Variants in PNLIPRP1 observed in about 807,000 individuals in gnomAD.
PNLIPRP1 encodes inactive pancreatic lipase-related protein 1.
In PNLIPRP1, 57 loss-of-function variants were observed where a neutral mutation model predicts 54.6. The ratio of observed to expected loss-of-function variants is 1.04; its 90% confidence interval spans 0.84 to 1.30. PNLIPRP1 has a LOEUF of 1.30. PNLIPRP1 is among the 50% of genes most tolerant of loss of function. The pLI, the probability that PNLIPRP1 is intolerant of heterozygous loss-of-function variation, is 0.00. For synonymous variants in PNLIPRP1, 232 were observed against 208.8 expected (o/e 1.11, Z -0.96); for missense variants, 567 against 568.5 (o/e 1.00, Z 0.03).
chr10:116,591,688 GA>G, intron 2 of PNLIPRP1, 82 bp from the exon 3 acceptor site: 3 of 1,397,728 alleles, frequency 2.1e-6, no homozygotes, highest in Non-Finnish European at 3.0e-6. Flanking sequence ...CTGAATAGAA[GA>G]GTGACCAGGC....
chr10:116,598,257 A>G, intron 8 of PNLIPRP1, 91 bp downstream of exon 8: 1 of 1,205,930 alleles, frequency 8.3e-7, no homozygotes, highest in East Asian at 2.6e-5. Context: ...ATAAAAATGA[A>G]ACTGTCTTTA....
At chr10:116,603,516 G>A (rs963966513) in intron 10 of PNLIPRP1, among the ~76,000 whole-genome samples, 2 of 152,122 alleles carry the variant, frequency 1.3e-5, no homozygotes, top group Admixed American at 6.5e-5. Flanking sequence ...TCCTCCCTGG[G>A]CAATGCAGTT....
chr10:116,606,069 G>A (rs2915752), intron 12 of PNLIPRP1, among the ~76,000 whole-genome samples: 135,611 of 152,198 alleles, frequency 0.89, 60,747 homozygotes, highest in East Asian at 1. Context: ...AAAAAGGGAC[G>A]GCTGGAGGAA....
intron 6 of PNLIPRP1, among the ~76,000 whole-genome samples, chr10:116,597,124 T>A (rs782188973): frequency 1.1e-4 from 16 of 152,170 alleles, no homozygotes; most frequent in Admixed American, 3.3e-4. Context: ...GGCAACTACA[T>A]TCACGTTCCT....
chr10:116,605,126 TC>T (rs1368289276), intron 11 of PNLIPRP1, among the ~76,000 whole-genome samples: 14 of 152,212 alleles, frequency 9.2e-5, no homozygotes, highest in Non-Finnish European at 2.1e-4. Flanking sequence ...AAATAATTCT[TC>T]CAAAACATAT....
chr10:116,597,901 T>C lies in PNLIPRP1; in HGVS notation c.648T>C (p.Phe216=), dbSNP rs62641721. Residue 216 remains phenylalanine, a synonymous_variant, in exon 7 of 13, where the codon TTT becomes TTC. Transcript: ENST00000358834. ...GACTTGATCCCTCTGATGCTGACTT[T>C]GTTGATGTGATTCACACGGATGCAG... ...EVRLDPSDAD[F]VDVIHTDAAP... 4,848 of 1,614,232 alleles carry C rather than the reference T, an allele frequency of 3.0e-3. 126 individuals are homozygous for C. The African/African-American group carries it at 0.055, about 18-fold the overall frequency.
Position 116,604,127 on chromosome 10 carries a change from C to T in PNLIPRP1, c.1161C>T (p.Tyr387=), listed in dbSNP as rs373599224. ...LFGNKGNTHQ[Y]SIFRGILKPG... ...GAAATAAGGGAAACACTCACCAGTA[C>T]AGTATCTTCAGGTAATTTCCTATTT... The change falls in exon 11 of 13, where the codon TAC becomes TAT. Residue 387 remains tyrosine, a synonymous_variant. Transcript: ENST00000358834. The T allele has an allele frequency of 2.9e-5, 46 of 1,576,730 alleles. No homozygotes were observed. The East Asian group carries it at 8.5e-4, about 29-fold the overall frequency.
Position 116,609,140 on chromosome 10 carries a change from G to T in PNLIPRP1, c.*24G>T. ...AAGCTCCCGGGGCGACGAGGCTGCT[G>T]CGTTCACACTAATAAAATCCACTGG... On this transcript the variant is annotated 3_prime_UTR_variant, in exon 13 of 13. Coordinates refer to ENST00000358834, the MANE Select transcript of PNLIPRP1 (RefSeq NM_006229.4). 1.3e-6 allele frequency: 2 copies of T among 1,569,562 alleles called. No individual in the cohort carries two copies. Among genetic ancestry groups the T allele is most frequent in the Non-Finnish European group, 1.7e-6 (2 of 1,149,912 alleles).
chr10:116,605,514 C>A lies in PNLIPRP1; in HGVS notation c.1301C>A (p.Ala434Asp), dbSNP rs139527549. The A allele has an allele frequency of 1.9e-6, 3 of 1,608,758 alleles. No individual in the cohort carries two copies. The East Asian group carries it at 6.7e-5, about 36-fold the overall frequency. The change falls in exon 12 of 13, where the codon GCC (alanine) becomes GAC (aspartate). Residue 434 changes from alanine (A) to aspartate (D), a missense_variant. Physicochemically the swap from Ala to Asp is moderately radical, Grantham distance 126. Transcript: ENST00000358834. Reference protein sequence around the residue: ...VINPTLPKVGATKITVQKGEE... With the variant: ...VINPTLPKVGDTKITVQKGEE... The stretch of plus-strand genomic sequence containing the variant: ...AATCCAACCCTCCCCAAAGTGGGTG[C>A]CACCAAGATCACTGTGCAAAAGGGA...
intron 2 of PNLIPRP1, 86 bp from the exon 3 acceptor site, chr10:116,591,685 G>C (rs1847639686): frequency 2.9e-6 from 4 of 1,379,522 alleles, no homozygotes; most frequent in Non-Finnish European, 4.0e-6. Context: ...TCCCTGAATA[G>C]AAGAGTGACC....
chr10:116,602,908 T>C (rs1399307358), intron 10 of PNLIPRP1, among the ~76,000 whole-genome samples: 3 of 151,566 alleles, frequency 2.0e-5, no homozygotes, highest in African/African-American at 7.3e-5. Flanking sequence ...TTTGTGTGTG[T>C]GTGCACATAC....
chr10:116,604,541 T>C (rs1288455937), intron 11 of PNLIPRP1, among the ~76,000 whole-genome samples: 2 of 152,186 alleles, frequency 1.3e-5, no homozygotes, highest in Non-Finnish European at 2.9e-5. Context: ...TTAAATTACC[T>C]AAGGACACAT....
At chr10:116,606,377 G>A (rs528746675) in intron 12 of PNLIPRP1, among the ~76,000 whole-genome samples, 2 of 152,260 alleles carry the variant, frequency 1.3e-5, no homozygotes, top group South Asian at 2.1e-4. Context: ...GAACAAAGAG[G>A]TTGGCCCTGC....
rs1554863715 is a variant in PNLIPRP1, at chr10:116,594,769, G to A, written c.370G>A (p.Asp124Asn). 6.2e-7 allele frequency: 1 copy of A among 1,614,132 alleles called. No individual in the cohort carries two copies. The highest frequency in any genetic ancestry group is 2.2e-5 in the East Asian group (1 of 44,872). The change falls in exon 5 of 13, where the codon GAC becomes AAC. Residue 124 changes from aspartate (D) to asparagine (N), a missense_variant. Asp to Asn is a conservative substitution (Grantham distance 23, BLOSUM62 1). Transcript: ENST00000358834. ...EVEEVNCICV[D>N]WKKGSQATYT... is the part of the protein sequence containing the mutation. ...GGAGGAGGTGAACTGCATCTGCGTGGACTGGAAGAAGGGCTCCCAAGCCAC... is the reference window on the plus strand; with the variant it reads ...GGAGGAGGTGAACTGCATCTGCGTGAACTGGAAGAAGGGCTCCCAAGCCAC...
At chr10:116,603,653 G>A (rs568929101) in intron 10 of PNLIPRP1, among the ~76,000 whole-genome samples, 2 of 152,284 alleles carry the variant, frequency 1.3e-5, no homozygotes, top group East Asian at 3.9e-4. Context: ...ATCACTTTGG[G>A]AGGCGGACAC....
At chr10:116,601,293 G>A (rs923558139) in intron 10 of PNLIPRP1, 92 bp downstream of exon 10, 7 of 1,196,130 alleles carry the variant, frequency 5.9e-6, no homozygotes, top group East Asian at 4.8e-5. Flanking sequence ...AATATTTGTG[G>A]GTACATTTTA....
At chr10:116,601,027 C>G in intron 9 of PNLIPRP1, 45 bp from the exon 10 acceptor site, 1 of 1,569,524 alleles carries the variant, frequency 6.4e-7, no homozygotes, top group Middle Eastern at 1.7e-4. Flanking sequence ...ATCGATCATA[C>G]AAACACAAAT....
rs200776839 is a variant in PNLIPRP1, at chr10:116,594,882, C to G, written c.465+18C>G. On this transcript the variant is annotated intron_variant, in intron 5 of 12. Coordinates refer to ENST00000358834, the MANE Select transcript of PNLIPRP1 (RefSeq NM_006229.4). ...TCCTCTTGGTGAGTCAGCTGGCTGG[C>G]CTATGTGAGGAGGGAAGCAGTGCCT... The G allele has an allele frequency of 6.2e-7, 1 of 1,613,070 alleles. No individual in the cohort carries two copies. The highest frequency in any genetic ancestry group is 8.5e-7 in the Non-Finnish European group (1 of 1,179,744).
At position 116,596,240 on chromosome 10, in the gene PNLIPRP1, A is replaced by G. The variant is rs1847733260; in HGVS notation, c.492A>G (p.Lys164=). 6.2e-7 allele frequency: 1 copy of G among 1,613,200 alleles called. No homozygotes were observed. Among genetic ancestry groups the G allele is most frequent in the African/African-American group, 1.3e-5 (1 of 74,884 alleles). The part of the protein sequence containing the change: ...LLTEYSYPPS[K]VHLIGHSLGA... Reference sequence around the variant, plus strand: ...CAGAGTATAGCTACCCCCCTTCCAAAGTTCACCTCATTGGCCACAGCCTGG... The same window carrying G: ...CAGAGTATAGCTACCCCCCTTCCAAGGTTCACCTCATTGGCCACAGCCTGG... Residue 164 remains lysine (K), a synonymous_variant, in exon 6 of 13, where the codon AAA becomes AAG. Transcript: ENST00000358834.
Sources: gnomAD v4.1 joint callset for allele counts (sites outside exome capture counted in the v4.1 genomes callset) on GRCh38, gnomAD v4.1.1 for gene constraint, MANE v1.5 for transcripts, NCBI Gene and HGNC (gene_info 2026-07-23, HGNC 2026-07-21) for gene names.